Variants in PDLIM7 observed in about 807,000 individuals in gnomAD.
PDLIM7 encodes PDZ and LIM domain 7.
PDLIM7 carries 37 observed loss-of-function variants against 53.9 expected under a neutral mutation model. The observed-to-expected ratio is 0.69, with a 90% CI of 0.53 to 0.90. PDLIM7 has a LOEUF of 0.90. Among genes scored for constraint, PDLIM7 ranks in the 40% least tolerant of loss-of-function variants. The pLI, the probability that PDLIM7 is intolerant of heterozygous loss-of-function variation, is 0.00. For synonymous variants in PDLIM7, 300 were observed against 261.3 expected (o/e 1.15, Z -1.43); for missense variants, 617 against 638.5 (o/e 0.97, Z 0.36).
At chr5:177,488,879 GAC>G (rs1460920733) in intron 9 of PDLIM7, among the ~76,000 whole-genome samples, 3 of 149,972 alleles carry the variant, frequency 2.0e-5, no homozygotes, top group Admixed American at 2.0e-4. Flanking sequence ...AACACAGTGA[GAC>G]TCTGTTTCAA....
intron 9 of PDLIM7, among the ~76,000 whole-genome samples, chr5:177,488,739 A>G (rs1289316357): frequency 1.3e-5 from 2 of 152,126 alleles, no homozygotes; most frequent in Non-Finnish European, 1.5e-5. Context: ...AAAAATACAA[A>G]ATTAGCCAGG....
intron 4 of PDLIM7, chr5:177,492,200 G>T: frequency 1.5e-6 from 1 of 660,500 alleles, no homozygotes; most frequent in Non-Finnish European, 2.5e-6. Flanking sequence ...ACAGACAGGC[G>T]GACAGACAGG....
chr5:177,492,467 G>T, intron 3 of PDLIM7, 32 bp from the exon 4 acceptor site: 1 of 1,613,500 alleles, frequency 6.2e-7, no homozygotes, highest in Non-Finnish European at 8.5e-7. Context: ...ACAGCGGGCC[G>T]GGCCCGCAGG....
intron 5 of PDLIM7, 152 bp from the exon 6 acceptor site, chr5:177,491,298 G>C: frequency 6.9e-7 from 1 of 1,454,364 alleles, no homozygotes; most frequent in Non-Finnish European, 9.4e-7. Context: ...GTAGGTGAGA[G>C]GACAGGAGGG....
At chr5:177,492,293 C>G in intron 4 of PDLIM7, 112 bp downstream of exon 4, 9 of 1,386,774 alleles carry the variant, frequency 6.5e-6, no homozygotes, top group Non-Finnish European at 8.9e-6. Flanking sequence ...CGGTTTCTGC[C>G]CTCCACTCCC....
chr5:177,497,238 C>G (rs186256412), intron 1 of PDLIM7, among the ~76,000 whole-genome samples: 1 of 152,002 alleles, frequency 6.6e-6, no homozygotes, highest in South Asian at 2.1e-4. Context: ...GGGGGTGGTG[C>G]CTCCCACACA....
At position 177,488,140 on chromosome 5, in the gene PDLIM7, G is replaced by A. The variant is rs778640397; in HGVS notation, c.978C>T (p.Ala326=). 3.2e-5 allele frequency: 52 copies of A among 1,613,274 alleles called. No individual in the cohort carries two copies. In the East Asian group the frequency reaches 1.1e-3, roughly 35 times the overall value. The change falls in exon 10 of 13, where the codon GCC becomes GCT. Residue 326 remains alanine, a synonymous_variant. Transcript: ENST00000355841. ...EEGGFFEEKG[A]IFCPPCYDVR... is the part of the protein sequence containing the mutation. ...CGTCATAGCATGGTGGGCAGAAGAT[G>A]GCGCCCTTCTCCTCAAAGAAGCCAC...
At chr5:177,495,791 G>A (rs1480918707) in intron 2 of PDLIM7, among the ~76,000 whole-genome samples, 2 of 152,034 alleles carry the variant, frequency 1.3e-5, no homozygotes, top group Non-Finnish European at 2.9e-5. Flanking sequence ...CTAGAATGGA[G>A]CCCTGTCCTA....
At chr5:177,484,003 A>G in intron 11 of PDLIM7, 21 bp from the exon 12 acceptor site, 1 of 1,613,490 alleles carries the variant, frequency 6.2e-7, no homozygotes, top group Non-Finnish European at 8.5e-7. Context: ...GGGCAGAGAG[A>G]AAGAGGACCT....
intron 1 of PDLIM7, 122 bp from the exon 2 acceptor site, chr5:177,496,645 G>A (rs1398345257): frequency 2.7e-5 from 15 of 555,182 alleles, no homozygotes; most frequent in Non-Finnish European, 4.2e-5. Flanking sequence ...CCCTGAGCAC[G>A]CCCAAGCCAT....
intron 7 of PDLIM7, 122 bp from the exon 8 acceptor site, chr5:177,489,954 T>G: frequency 6.5e-7 from 1 of 1,536,854 alleles, no homozygotes; most frequent in East Asian, 2.4e-5. Flanking sequence ...CCGAGTTGGA[T>G]TCCAGGTCCC....
At chr5:177,490,710 A>C in intron 7 of PDLIM7, 160 bp downstream of exon 7, 1 of 540,894 alleles carries the variant, frequency 1.8e-6, no homozygotes, top group Non-Finnish European at 2.8e-6. Flanking sequence ...AGGAAGGAGG[A>C]AGGGAAGGAA....
chr5:177,497,267 C>T (rs1217244643), intron 1 of PDLIM7, among the ~76,000 whole-genome samples: 2 of 151,982 alleles, frequency 1.3e-5, no homozygotes, highest in Non-Finnish European at 2.9e-5. Flanking sequence ...CCCACACCGA[C>T]GTGACTCAGT....
chr5:177,496,334 T>A, intron 2 of PDLIM7, 83 bp downstream of exon 2: 1 of 1,061,614 alleles, frequency 9.4e-7, no homozygotes, highest in African/African-American at 1.6e-5. Flanking sequence ...GACCAGCTCC[T>A]GTTAGGACTC....
chr5:177,487,486 A>G (rs1758523355), intron 10 of PDLIM7, among the ~76,000 whole-genome samples: 1 of 152,236 alleles, frequency 6.6e-6, no homozygotes, highest in Non-Finnish European at 1.5e-5. Context: ...CTGAAGTGTC[A>G]TCTTGCACCA....
At chr5:177,489,306 C>G in intron 9 of PDLIM7, 87 bp downstream of exon 9, 3 of 1,026,108 alleles carry the variant, frequency 2.9e-6, no homozygotes, top group Non-Finnish European at 4.3e-6. Flanking sequence ...TCCCCCCAGT[C>G]GCAGCTGAGG....
At chr5:177,493,868 C>T (rs1280305237) in intron 2 of PDLIM7, among the ~76,000 whole-genome samples, 1 of 152,180 alleles carries the variant, frequency 6.6e-6, no homozygotes, top group African/African-American at 2.4e-5. Context: ...CAGGAGGCTC[C>T]TCAGGTGGGT....
At chr5:177,497,175 GGGCTGGGACCCT>G (rs1380016595) in intron 1 of PDLIM7, among the ~76,000 whole-genome samples, 2 of 152,018 alleles carry the variant, frequency 1.3e-5, no homozygotes, top group Non-Finnish European at 2.9e-5. Flanking sequence ...AGACAGATGG[GGGCTGGGACCCT>G]CAAGCATAGC....
At position 177,491,159 on chromosome 5, in the gene PDLIM7, T is replaced by C. The variant is rs1185482852; in HGVS notation, c.399-13A>G. ...TCGGAGCGGCTGTCTGTGGGGAGGGTGTGGCTCAGAACCCCACACTGGGGG... is the reference window on the plus strand; with the variant it reads ...TCGGAGCGGCTGTCTGTGGGGAGGGCGTGGCTCAGAACCCCACACTGGGGG... On this transcript the variant is annotated splice_polypyrimidine_tract_variant and intron_variant, in intron 5 of 12. Coordinates refer to ENST00000355841, the MANE Select transcript of PDLIM7 (RefSeq NM_005451.5). The C allele has an allele frequency of 6.4e-7, 1 of 1,567,062 alleles. No homozygotes were observed. Among genetic ancestry groups the C allele is most frequent in the Non-Finnish European group, 8.7e-7 (1 of 1,154,450 alleles).
Sources: gnomAD v4.1 joint callset for allele counts (sites outside exome capture counted in the v4.1 genomes callset) on GRCh38, gnomAD v4.1.1 for gene constraint, MANE v1.5 for transcripts, NCBI Gene and HGNC (gene_info 2026-07-23, HGNC 2026-07-21) for gene names.